CYP2C18: variants seen among roughly 807,000 people sequenced by gnomAD.
CYP2C18 encodes the protein cytochrome P450 2C18.
CYP2C18 carries 38 observed loss-of-function variants against 41.3 expected under a neutral mutation model. That is an observed-to-expected ratio of 0.92 (90% CI 0.71 to 1.21). CYP2C18 has a LOEUF of 1.21. Among genes scored for constraint, CYP2C18 ranks in the 50% most tolerant of loss-of-function variants. CYP2C18 has a pLI of 0.00. For missense variants in CYP2C18, 635 were observed against 591.4 expected (o/e 1.07, Z -0.77); for synonymous variants, 236 against 210.0 (o/e 1.12, Z -1.07).
In CYP2C18 at chr10:94,706,793, A is replaced by G. The variant is rs1038558916; in HGVS notation, c.652A>G (p.Asn218Asp). The change falls in exon 5 of 9, where the codon AAT becomes GAT. Residue 218 changes from asparagine to aspartate, a missense_variant. Coordinates refer to ENST00000285979, the MANE Select transcript of CYP2C18 (RefSeq NM_000772.3). ...TTTAAAAATCTTTAAGGTCTGCAAT[A>G]ATTTCCCTGCTCTCATCGATTATCT... ...LSSPWIQVCN[N>D]FPALIDYLPG... 2 of 1,569,250 alleles carry G rather than the reference A, an allele frequency of 1.3e-6. No individual in the cohort carries two copies. Among genetic ancestry groups the G allele is most frequent in the Non-Finnish European group, 1.7e-6 (2 of 1,154,192 alleles).
intron 5 of CYP2C18, among the ~76,000 whole-genome samples, chr10:94,719,704 A>G (rs1564646714): frequency 6.6e-6 from 1 of 151,772 alleles, no homozygotes; most frequent in Admixed American, 6.6e-5. Flanking sequence ...CCTTCCGAGT[A>G]GCTGAGATTA....
intron 4 of CYP2C18, among the ~76,000 whole-genome samples, chr10:94,705,628 G>C (rs933285810): frequency 6.6e-6 from 1 of 152,098 alleles, no homozygotes; most frequent in Non-Finnish European, 1.5e-5. Context: ...TTCTGTTAGA[G>C]TTGATTCTGA....
Position 94,683,775 on chromosome 10 carries a change from T to C in CYP2C18, c.-45T>C, listed in dbSNP as rs746836670. The C allele has an allele frequency of 4.7e-6, 7 of 1,497,652 alleles. No individual in the cohort carries two copies. In the African/African-American group the frequency reaches 9.8e-5, roughly 21 times the overall value. 92.8% of individuals were successfully genotyped at this position (1,497,652 alleles called of 1,614,324 possible). A position where few individuals can be genotyped will look rare whatever the true frequency, so the allele number is the denominator to read the frequency against. On this transcript the variant is annotated 5_prime_UTR_variant, in exon 1 of 9. Coordinates refer to ENST00000285979, the MANE Select transcript of CYP2C18 (RefSeq NM_000772.3). ...TTAGTAGGGAGTGTTATAAAAGCCT[T>C]GAAGTGAAAGCCCGCAGTTGTCTTA...
intron 5 of CYP2C18, among the ~76,000 whole-genome samples, chr10:94,718,568 AG>A (rs1157865408): frequency 6.6e-6 from 1 of 152,110 alleles, no homozygotes; most frequent in Non-Finnish European, 1.5e-5. Context: ...ATATGAGGTT[AG>A]CCATGCACTT....
intron 8 of CYP2C18, among the ~76,000 whole-genome samples, chr10:94,734,550 G>T (rs1847887009): frequency 6.6e-6 from 1 of 152,180 alleles, no homozygotes. Context: ...AAGAGGAAAT[G>T]ACATGGGGCA....
At chr10:94,685,765 T>G (rs1371814074) in intron 1 of CYP2C18, among the ~76,000 whole-genome samples, 1 of 152,198 alleles carries the variant, frequency 6.6e-6, no homozygotes. Context: ...TCTATTTTTA[T>G]GCTAATGCTA....
intron 8 of CYP2C18, 88 bp from the exon 9 acceptor site, chr10:94,735,175 T>C (rs1158768115): frequency 7.6e-7 from 1 of 1,321,638 alleles, no homozygotes; most frequent in Non-Finnish European, 1.1e-6. Context: ...ATCTATTTAA[T>C]CATTTATCAA....
intron 8 of CYP2C18, chr10:94,733,716 A>C (rs948759890): frequency 4.4e-6 from 2 of 455,042 alleles, no homozygotes; most frequent in Non-Finnish European, 5.8e-6. Flanking sequence ...GCTACCCAAG[A>C]GCTCTTCTTA....
At chr10:94,706,753 T>A (rs895356485) in intron 4 of CYP2C18, 31 bp from the exon 5 acceptor site, 1 of 1,301,216 alleles carries the variant, frequency 7.7e-7, no homozygotes, top group Non-Finnish European at 1.1e-6. Context: ...ATACATGTGT[T>A]TAATTTAATT....
chr10:94,733,715 G>T (rs538158521), intron 8 of CYP2C18: 1 of 466,620 alleles, frequency 2.1e-6, no homozygotes, highest in Admixed American at 6.4e-5. Flanking sequence ...AGCTACCCAA[G>T]AGCTCTTCTT....
intron 4 of CYP2C18, among the ~76,000 whole-genome samples, chr10:94,698,494 A>G (rs1217470731): frequency 6.6e-6 from 1 of 152,262 alleles, no homozygotes; most frequent in Non-Finnish European, 1.5e-5. Flanking sequence ...TGTAGAGGGA[A>G]ATGTATAGCA....
At chr10:94,719,488 T>G (rs930487806) in intron 5 of CYP2C18, among the ~76,000 whole-genome samples, 1 of 151,970 alleles carries the variant, frequency 6.6e-6, no homozygotes, top group African/African-American at 2.4e-5. Flanking sequence ...ACTGCAGCCT[T>G]GACCTCCTGG....
Position 94,735,330 on chromosome 10 carries a change from G to T in CYP2C18, c.1359G>T (p.Leu453Phe). 1 of 1,613,700 alleles carries T rather than the reference G, an allele frequency of 6.2e-7. No individual in the cohort carries two copies. The highest frequency in any genetic ancestry group is 1.7e-5 in the Admixed American group (1 of 59,934). Reference sequence around the variant, plus strand: ...TGTTTTTATTCCTGACCACCATTTTGCAGAACTTTAACCTGAAATCTCAGG... The same window carrying T: ...TGTTTTTATTCCTGACCACCATTTTTCAGAACTTTAACCTGAAATCTCAGG... ...MELFLFLTTI[L>F]QNFNLKSQVD... The change falls in exon 9 of 9, where the codon TTG becomes TTT. Residue 453 changes from leucine (L) to phenylalanine (F), a missense_variant. Coordinates refer to ENST00000285979, the MANE Select transcript of CYP2C18 (RefSeq NM_000772.3).
chr10:94,720,681 GAAGGGATAAGA>G, intron 6 of CYP2C18, 144 bp downstream of exon 6: 1 of 779,608 alleles, frequency 1.3e-6, no homozygotes. Flanking sequence ...TAAATATGAT[GAAGGGATAAGA>G]ATGAGACAAA....
chr10:94,725,956 T>A (rs929274570), intron 7 of CYP2C18, among the ~76,000 whole-genome samples: 1 of 152,150 alleles, frequency 6.6e-6, no homozygotes, highest in African/African-American at 2.4e-5. Flanking sequence ...TGTATTGTGG[T>A]TGTTTTTATA....
intron 7 of CYP2C18, 37 bp downstream of exon 7, chr10:94,724,570 T>C (rs753745766): frequency 6.4e-7 from 1 of 1,569,424 alleles, no homozygotes. Flanking sequence ...CTCCATGCTC[T>C]TCAAGTCCCC....
chr10:94,690,145 G>C (rs1230719851), intron 3 of CYP2C18, among the ~76,000 whole-genome samples: 2 of 152,104 alleles, frequency 1.3e-5, no homozygotes, highest in Non-Finnish European at 2.9e-5. Flanking sequence ...AACCTGATCG[G>C]TTGACCTCAC....
At chr10:94,688,033 C>G in intron 2 of CYP2C18, 92 bp from the exon 3 acceptor site, 1 of 1,598,004 alleles carries the variant, frequency 6.3e-7, no homozygotes. Context: ...GCTCCTGGGA[C>G]AGAACTTGAC....
In CYP2C18 at chr10:94,720,414, T is replaced by G. The variant is rs763895496; in HGVS notation, c.838T>G (p.Ser280Ala). 4 of 1,610,448 alleles carry G rather than the reference T, an allele frequency of 2.5e-6. No homozygotes were observed. The highest frequency in any genetic ancestry group is 3.4e-6 in the Non-Finnish European group (4 of 1,178,764). The change falls in exon 6 of 9, where the codon TCT becomes GCT. Residue 280 changes from serine (S) to alanine (A), a missense_variant. By Grantham distance (99) the Ser-to-Ala change is moderately conservative. Coordinates refer to ENST00000285979, the MANE Select transcript of CYP2C18 (RefSeq NM_000772.3). Reference sequence around the variant, plus strand: ...TTTTTAGGAAAAGCACAATCAACAGTCTGAATTTACTGTTGAAAGCTTGAT... The same window carrying G: ...TTTTTAGGAAAAGCACAATCAACAGGCTGAATTTACTGTTGAAAGCTTGAT... ...KMEQEKHNQQ[S>A]EFTVESLIAT...
Sources: gnomAD v4.1 joint callset for allele counts (sites outside exome capture counted in the v4.1 genomes callset) on GRCh38, gnomAD v4.1.1 for gene constraint, MANE v1.5 for transcripts, NCBI Gene and HGNC (gene_info 2026-07-23, HGNC 2026-07-21) for gene names.